The following FOCAD variants were observed in gnomAD, a reference collection of about 807,000 sequenced individuals.
FOCAD encodes focadhesin, also known as KIAA1797.
In FOCAD, 198 loss-of-function variants were observed where a neutral mutation model predicts 225.6. The observed-to-expected ratio is 0.88, with a 90% CI of 0.78 to 0.99. The LOEUF is 0.99. Ranked by LOEUF, FOCAD falls within the 50% of genes least tolerant of loss-of-function variation. The pLI is 0.00. For missense variants in FOCAD, 2,713 were observed against 2,123.6 expected, an observed-to-expected ratio of 1.28 and a Z score of -5.46; for synonymous variants, 897 against 755.0, an observed-to-expected ratio of 1.19 and a Z score of -3.08.
intron 1 of FOCAD, among the ~76,000 whole-genome samples, chr9:20,698,365 TAC>T (rs532346011): frequency 3.8e-4 from 57 of 151,924 alleles, no homozygotes; most frequent in South Asian, 1.0e-3. Flanking sequence ...TATATGTGTA[TAC>T]ACACACACAC....
chr9:20,791,673 C>T (rs1277039346), intron 11 of FOCAD, among the ~76,000 whole-genome samples: 1 of 152,220 alleles, frequency 6.6e-6, no homozygotes, highest in Non-Finnish European at 1.5e-5. Context: ...TCAGATTGGC[C>T]TTGCTTAGGT....
chr9:20,668,365 G>A (rs1384873080), intron 2 of FOCAD, among the ~76,000 whole-genome samples: 1 of 152,144 alleles, frequency 6.6e-6, no homozygotes, highest in Non-Finnish European at 1.5e-5. Flanking sequence ...GAATCAAGTG[G>A]AAACATTTTA....
At chr9:20,923,547 C>G (rs773721839) in intron 24 of FOCAD, 113 bp from the exon 25 acceptor site, 1 of 679,230 alleles carries the variant, frequency 1.5e-6, no homozygotes, top group Non-Finnish European at 2.6e-6. Flanking sequence ...TTACAAGACT[C>G]TGTGAAGGAA....
chr9:20,907,158 C>G lies in FOCAD; in HGVS notation c.2634C>G (p.Ile878Met), dbSNP rs745443968. 3.7e-6 allele frequency: 6 copies of G among 1,612,688 alleles called. No homozygotes were observed. Among genetic ancestry groups the G allele is most frequent in the Middle Eastern group, 1.7e-4 (1 of 6,050 alleles). Residue 878 changes from isoleucine to methionine, a missense_variant, in exon 22 of 44, where the codon ATC (isoleucine) becomes ATG (methionine). Ile to Met is a conservative substitution (Grantham distance 10). Coordinates refer to ENST00000338382, the MANE Select transcript of FOCAD (RefSeq NM_001375567.1). The stretch of plus-strand genomic sequence containing the variant: ...GTACATTTTTCCCATAGGTTCATAT[C>G]CAGCTTTCAGAGTGGCACCGTGCAA... ...TSLALVHEVH[I>M]QLSEWHRAIF...
At chr9:20,787,454 C>A (rs888396864) in intron 10 of FOCAD, among the ~76,000 whole-genome samples, 1 of 152,106 alleles carries the variant, frequency 6.6e-6, no homozygotes, top group African/African-American at 2.4e-5. Flanking sequence ...TCCTGAAGTC[C>A]TGGCCCTTTA....
chr9:20,881,251 A>C (rs925506861), intron 19 of FOCAD, among the ~76,000 whole-genome samples: 2 of 152,208 alleles, frequency 1.3e-5, no homozygotes. Context: ...TTAAATATCA[A>C]CTTTGTGTTT....
chr9:20,814,988 T>G (rs1455006952), intron 11 of FOCAD, among the ~76,000 whole-genome samples: 1 of 152,038 alleles, frequency 6.6e-6, no homozygotes, highest in African/African-American at 2.4e-5. Context: ...TATATTTCCA[T>G]ATGCTCTCAT....
chr9:20,689,348 G>GAT (rs1160917536), intron 1 of FOCAD, among the ~76,000 whole-genome samples: 18 of 150,284 alleles, frequency 1.2e-4, no homozygotes, highest in African/African-American at 4.1e-4. Context: ...GGGAGGAAGG[G>GAT]TAGAATGTGA....
intron 4 of FOCAD, among the ~76,000 whole-genome samples, chr9:20,732,887 A>G (rs1826833465): frequency 6.6e-6 from 1 of 152,150 alleles, no homozygotes; most frequent in African/African-American, 2.4e-5. Flanking sequence ...CTCTACATTT[A>G]GATAGGGAAC....
intron 11 of FOCAD, among the ~76,000 whole-genome samples, chr9:20,812,492 C>T (rs1002174412): frequency 5.9e-5 from 9 of 151,834 alleles, no homozygotes; most frequent in Non-Finnish European, 1.2e-4. Context: ...GTGTTGCCAA[C>T]GTGTATGTTT....
chr9:20,995,459 C>T (rs1587814845), intron 43 of FOCAD, 97 bp from the exon 44 acceptor site: 1 of 920,522 alleles, frequency 1.1e-6, no homozygotes, highest in Non-Finnish European at 1.7e-6. Context: ...TAGTCTTGAA[C>T]ATTAGCCAAG....
At chr9:20,992,701 T>C (rs1841773244) in intron 42 of FOCAD, among the ~76,000 whole-genome samples, 1 of 152,206 alleles carries the variant, frequency 6.6e-6, no homozygotes, top group Non-Finnish European at 1.5e-5. Context: ...GGCTCACACC[T>C]GTAATCACAA....
In FOCAD at chr9:20,896,452, A is replaced by G. The variant is rs558677147; in HGVS notation, c.2626-10698A>G. Among the ~76,000 whole-genome samples the G allele has an allele frequency of 4.6e-5, 7 of 151,936 alleles. No homozygotes were observed. The East Asian group carries it at 1.2e-3, about 25-fold the overall frequency. On this transcript the variant is annotated intron_variant, in intron 21 of 43. Coordinates refer to ENST00000338382, the MANE Select transcript of FOCAD (RefSeq NM_001375567.1). ...GGAATTGGTGTGATATCCTCCTTAA[A>G]TGTTTGGTAGAGTTCACCAGTGAAC...
At chr9:20,985,487 G>T (rs532006945) in intron 39 of FOCAD, among the ~76,000 whole-genome samples, 2 of 152,202 alleles carry the variant, frequency 1.3e-5, no homozygotes, top group African/African-American at 4.8e-5. Context: ...GAAGTGACAG[G>T]TTCATTTCCT....
intron 22 of FOCAD, among the ~76,000 whole-genome samples, chr9:20,911,898 G>A (rs1299908573): frequency 1.3e-5 from 2 of 152,078 alleles, no homozygotes; most frequent in Admixed American, 6.6e-5. Context: ...GAAATGGACA[G>A]AATAGAAAAA....
intron 4 of FOCAD, among the ~76,000 whole-genome samples, chr9:20,730,778 C>T (rs1384992251): frequency 2.0e-5 from 3 of 152,096 alleles, no homozygotes; most frequent in African/African-American, 7.2e-5. Flanking sequence ...GTAGATTTAG[C>T]TATGTCATGG....
At chr9:20,798,214 T>A (rs1449812111) in intron 11 of FOCAD, among the ~76,000 whole-genome samples, 2 of 152,162 alleles carry the variant, frequency 1.3e-5, no homozygotes, top group Non-Finnish European at 2.9e-5. Context: ...ATCATGGTGG[T>A]TAAGCTTTTT....
intron 7 of FOCAD, among the ~76,000 whole-genome samples, chr9:20,766,003 T>A: frequency 6.6e-6 from 1 of 152,204 alleles, no homozygotes; most frequent in Admixed American, 6.5e-5. Context: ...GCAGAGAAAA[T>A]TTAATTAAAA....
chr9:20,810,597 A>G (rs1053496930), intron 11 of FOCAD, among the ~76,000 whole-genome samples: 1 of 152,144 alleles, frequency 6.6e-6, no homozygotes, highest in African/African-American at 2.4e-5. Context: ...AATGTTAGCA[A>G]TGGATATAAC....
Sources: allele counts gnomAD v4.1 joint callset (sites outside exome capture counted in the v4.1 genomes callset), GRCh38; gene constraint gnomAD v4.1.1; transcripts MANE v1.5; gene names NCBI Gene and HGNC (gene_info 2026-07-23, HGNC 2026-07-21).